Variants in MICB observed in about 807,000 individuals in gnomAD.
MICB encodes MHC class I antigen-related protein B.
Under a neutral mutation model 34.3 loss-of-function variants are expected in MICB, and 27 were observed. The ratio of observed to expected loss-of-function variants is 0.79; its 90% confidence interval spans 0.58 to 1.08. MICB has a LOEUF of 1.08. MICB is among the 50% of genes least tolerant of loss of function. The probability of loss-of-function intolerance (pLI) is 0.00; values close to 1 mark genes in which losing one functional copy is unlikely to be tolerated. For synonymous variants in MICB, 153 were observed against 187.4 expected, an observed-to-expected ratio of 0.82 and a Z score of 1.50; for missense variants, 426 against 483.1, an observed-to-expected ratio of 0.88 and a Z score of 1.11.
intron 1 of MICB, among the ~76,000 whole-genome samples, chr6:31,499,594 G>A (rs1436873167): frequency 6.6e-6 from 1 of 152,118 alleles, no homozygotes; most frequent in African/African-American, 2.4e-5. Context: ...CCCCCAAGGA[G>A]AGCCCTGATG....
upstream of MICB, among the ~76,000 whole-genome samples, chr6:31,496,366 C>CTTTTTT (rs3034154): frequency 1.2e-4 from 15 of 121,628 alleles, 1 homozygote; most frequent in East Asian, 9.4e-4. Context: ...TCCTTTTTTT[C>CTTTTTT]TTTTTTTTTT....
chr6:31,495,021 T>C (rs1764579288), upstream of MICB: 1 of 148,136 alleles, frequency 6.8e-6, no homozygotes, highest in Admixed American at 6.9e-5. Flanking sequence ...GAAAACATAG[T>C]TGATGGGGCA....
At chr6:31,509,011 G>C (rs1487226438) in intron 5 of MICB, among the ~76,000 whole-genome samples, 2 of 152,130 alleles carry the variant, frequency 1.3e-5, no homozygotes, top group African/African-American at 4.8e-5. Flanking sequence ...TGCAAGGGCA[G>C]TGGCCTGGGT....
Position 31,506,249 on chromosome 6 carries a change from C to T in MICB, c.432C>T (p.Asn144=). The change falls in exon 3 of 6, where the codon AAC becomes AAT. Residue 144 remains asparagine (N), a synonymous_variant. Transcript: ENST00000252229. ...YYDGELFLSQ[N]LETQESTVPQ... is the part of the protein sequence containing the mutation. The stretch of plus-strand genomic sequence containing the variant: ...ATGGGGAGCTCTTCCTCTCCCAAAA[C>T]CTGGAGACTCAAGAATCGACAGTGC... 1 of 1,614,202 alleles carries T rather than the reference C, an allele frequency of 6.2e-7. No homozygotes were observed. The highest frequency in any genetic ancestry group is 8.5e-7 in the Non-Finnish European group (1 of 1,180,036).
At chr6:31,504,826 T>A (rs1765210307) in intron 1 of MICB, among the ~76,000 whole-genome samples, 1 of 152,228 alleles carries the variant, frequency 6.6e-6, no homozygotes, top group African/African-American at 2.4e-5. Flanking sequence ...AGTTTAGGTC[T>A]TTGATTCATT....
In MICB at chr6:31,507,271, G is replaced by A. The variant is rs768916248; in HGVS notation, c.863G>A (p.Gly288Glu). The part of the protein sequence containing the change: ...QRFTCYMEHS[G>E]NHGTHPVPSG... Reference sequence around the variant, plus strand: ...TTCACCTGCTACATGGAACACAGCGGGAATCACGGCACTCACCCTGTGCCC... The same window carrying A: ...TTCACCTGCTACATGGAACACAGCGAGAATCACGGCACTCACCCTGTGCCC... The change falls in exon 4 of 6, where the codon GGG (glycine) becomes GAG (glutamate). Residue 288 changes from glycine (G) to glutamate (E), a missense_variant. Transcript: ENST00000252229. The surrounding 1 kb of genome is among the most constrained non-coding windows in gnomAD (Gnocchi z 6.0). The A allele has an allele frequency of 1.2e-6, 2 of 1,613,758 alleles. No individual in the cohort carries two copies. The highest frequency in any genetic ancestry group is 2.2e-5 in the South Asian group (2 of 91,066).
upstream of MICB, among the ~76,000 whole-genome samples, chr6:31,496,325 C>A (rs1764652629): frequency 6.6e-6 from 1 of 151,990 alleles, no homozygotes; most frequent in Non-Finnish European, 1.5e-5. Context: ...GTTGTGCCAC[C>A]GTCACCACTA....
intron 5 of MICB, 35 bp from the exon 6 acceptor site, chr6:31,509,747 C>T (rs17200670): frequency 0.024 from 37,656 of 1,583,552 alleles, 887 homozygotes; most frequent in South Asian, 0.077. Context: ...AACACTGCAC[C>T]CAGTGGAGCA....
intron 1 of MICB, 71 bp downstream of exon 1, chr6:31,498,334 G>T: frequency 7.5e-7 from 1 of 1,332,384 alleles, no homozygotes; most frequent in Non-Finnish European, 1.0e-6. Context: ...CGGGTGGGTT[G>T]CCGCGAGCGC....
upstream of MICB, chr6:31,496,662 G>A (rs9469017): frequency 0.095 from 13,443 of 141,524 alleles, 722 homozygotes; most frequent in Middle Eastern, 0.21. Flanking sequence ...CACCGTGCCC[G>A]GACCCTTTTT....
At chr6:31,506,719 C>A (rs1562365650) in intron 3 of MICB, among the ~76,000 whole-genome samples, 1 of 152,112 alleles carries the variant, frequency 6.6e-6, no homozygotes, top group Admixed American at 6.5e-5. Flanking sequence ...GGGCTGCCCC[C>A]TCTGCCTCCC....
intron 1 of MICB, among the ~76,000 whole-genome samples, chr6:31,499,108 G>A (rs2855817): frequency 0.31 from 47,585 of 151,572 alleles, 7,643 homozygotes; most frequent in Middle Eastern, 0.38. Flanking sequence ...TGCTGCTGTG[G>A]GGACTGTGGG....
upstream of MICB, chr6:31,497,976 T>A: frequency 3.0e-6 from 1 of 329,018 alleles, no homozygotes; most frequent in Non-Finnish European, 5.7e-6. Flanking sequence ...GGTCCCGCCT[T>A]CTAAATTTCC....
chr6:31,507,087 G>A lies in MICB; in HGVS notation c.679G>A (p.Ala227Thr). The A allele has an allele frequency of 1.2e-6, 2 of 1,614,004 alleles. No individual in the cohort carries two copies. Among genetic ancestry groups the A allele is most frequent in the Non-Finnish European group, 1.7e-6 (2 of 1,179,892 alleles). Residue 227 changes from alanine to threonine, a missense_variant, in exon 4 of 6, where the codon GCT (alanine) becomes ACT (threonine). Coordinates refer to ENST00000252229, the MANE Select transcript of MICB (RefSeq NM_005931.5). The surrounding 1 kb of genome is among the most constrained non-coding windows in gnomAD (Gnocchi z 6.0). ...GGGCAACATCACCGTGACATGCAGGGCTTCCAGCTTCTATCCCCGGAATAT... is the reference window on the plus strand; with the variant it reads ...GGGCAACATCACCGTGACATGCAGGACTTCCAGCTTCTATCCCCGGAATAT... ...SEGNITVTCR[A>T]SSFYPRNITL...
At chr6:31,500,697 G>A (rs9267387) in intron 1 of MICB, among the ~76,000 whole-genome samples, 51,391 of 151,956 alleles carry the variant, frequency 0.34, 8,832 homozygotes, top group East Asian at 0.46. Flanking sequence ...GAGAACATGC[G>A]AAGTTTGTCT....
chr6:31,507,591 C>T lies in MICB; in HGVS notation c.1024+60C>T. The T allele has an allele frequency of 1.9e-6, 3 of 1,597,692 alleles. No individual in the cohort carries two copies. The highest frequency in any genetic ancestry group is 1.7e-6 in the Non-Finnish European group (2 of 1,167,412). On this transcript the variant is annotated intron_variant, in intron 5 of 5. Transcript: ENST00000252229. The surrounding 1 kb of genome is among the most constrained non-coding windows in gnomAD (Gnocchi z 6.0). The stretch of plus-strand genomic sequence containing the variant: ...GCTCCTTTCTAGGCAGTAGGGTCTC[C>T]TCATTGCTCCTGCCCAGACAAGACG...
intron 3 of MICB, 147 bp from the exon 4 acceptor site, chr6:31,506,875 G>A: frequency 6.9e-6 from 9 of 1,309,080 alleles, no homozygotes; most frequent in Non-Finnish European, 8.2e-6. Flanking sequence ...GGAGGAATTA[G>A]GCCCCAGGGT....
At chr6:31,495,231 C>T (rs1764593551), upstream of MICB, among the ~76,000 whole-genome samples, 1 of 152,072 alleles carries the variant, frequency 6.6e-6, no homozygotes, top group Non-Finnish European at 1.5e-5. Context: ...TAGAACAAAC[C>T]TTAAATATTC....
intron 1 of MICB, among the ~76,000 whole-genome samples, chr6:31,500,463 T>C (rs1764960036): frequency 1.3e-5 from 2 of 152,158 alleles, no homozygotes; most frequent in Admixed American, 6.5e-5. Flanking sequence ...AACAATCCCA[T>C]TATGCTCTTT....
Sources: gnomAD v4.1 joint callset for allele counts (sites outside exome capture counted in the v4.1 genomes callset) on GRCh38, gnomAD v4.1.1 for gene constraint, Gnocchi (gnomAD v3.1) non-coding constraint, MANE v1.5 for transcripts, NCBI Gene and HGNC (gene_info 2026-07-23, HGNC 2026-07-21) for gene names.